KIF13B: variants seen among roughly 807,000 people sequenced by gnomAD.
The protein encoded by KIF13B is kinesin-like protein KIF13B.
In KIF13B, 127 loss-of-function variants were observed where a neutral mutation model predicts 222.0. The observed-to-expected ratio is 0.57, with a 90% CI of 0.50 to 0.66. KIF13B has a LOEUF of 0.66. Among genes scored for constraint, KIF13B ranks in the 30% least tolerant of loss-of-function variants. The probability of loss-of-function intolerance (pLI) is 0.00; values close to 1 mark genes in which losing one functional copy is unlikely to be tolerated. For missense variants in KIF13B, 2,173 were observed against 2,379.0 expected (o/e 0.91, Z 1.80); for synonymous variants, 976 against 919.0 (o/e 1.06, Z -1.12).
chr8:29,171,720 C>T (rs1315267651), intron 10 of KIF13B, among the ~76,000 whole-genome samples: 2 of 148,030 alleles, frequency 1.4e-5, no homozygotes, highest in Admixed American at 6.7e-5. Flanking sequence ...CTGTGAAGTC[C>T]AAATGACGTT....
intron 1 of KIF13B, among the ~76,000 whole-genome samples, chr8:29,250,922 T>C (rs1816253993): frequency 6.6e-6 from 1 of 152,228 alleles, no homozygotes; most frequent in South Asian, 2.1e-4. Context: ...TGAAAACTTC[T>C]TGCTGTATAT....
chr8:29,091,812 A>G (rs1383600182), intron 37 of KIF13B, among the ~76,000 whole-genome samples: 1 of 152,242 alleles, frequency 6.6e-6, no homozygotes. Flanking sequence ...TACAATTTAA[A>G]CAGCTGTAAA....
Position 29,072,126 on chromosome 8 carries a change from T to C in KIF13B, c.4712A>G (p.His1571Arg), listed in dbSNP as rs1356761459. 7.2e-7 allele frequency: 1 copy of C among 1,383,114 alleles called. No individual in the cohort carries two copies. Among genetic ancestry groups the C allele is most frequent in the Non-Finnish European group, 9.4e-7 (1 of 1,066,350 alleles). The allele number at this position is 1,383,114 out of a possible 1,614,324, so 85.7% of individuals were successfully genotyped here. ...LSEASSGYFS[H>R]SVSTATLSDA... is the part of the protein sequence containing the mutation. ...CGACAGGGTCGCGGTGGAGACGCTG[T>C]GGGAGAAGTACCCGCTAGAGGCTTC... The change falls in exon 39 of 40, where the codon CAC becomes CGC. Residue 1571 changes from histidine (H) to arginine (R), a missense_variant. Physicochemically the swap from His to Arg is conservative, Grantham distance 29 (BLOSUM62 0). Transcript: ENST00000524189.
chr8:29,151,863 A>T (rs906808339), intron 14 of KIF13B, among the ~76,000 whole-genome samples: 2 of 131,204 alleles, frequency 1.5e-5, no homozygotes, highest in African/African-American at 5.0e-5. Flanking sequence ...TCATTTAAAA[A>T]ATACATTTCA....
At chr8:29,111,276 A>G (rs1809342770) in intron 32 of KIF13B, among the ~76,000 whole-genome samples, 1 of 152,226 alleles carries the variant, frequency 6.6e-6, no homozygotes, top group South Asian at 2.1e-4. Context: ...GAATACTTTC[A>G]GGGTCTGGAG....
intron 8 of KIF13B, among the ~76,000 whole-genome samples, chr8:29,177,803 G>A (rs1812545299): frequency 6.6e-6 from 1 of 152,010 alleles, no homozygotes; most frequent in African/African-American, 2.4e-5. Context: ...CCAGCTACTT[G>A]GGAAACTGAG....
chr8:29,122,524 G>C, intron 29 of KIF13B, 67 bp downstream of exon 29: 2 of 1,300,974 alleles, frequency 1.5e-6, no homozygotes, highest in Non-Finnish European at 1.1e-6. Flanking sequence ...CACTTGGTTG[G>C]AATCTACATG....
rs181886320 is a variant in KIF13B, at chr8:29,087,558, T to G, written c.4458+5187A>C. Among the ~76,000 whole-genome samples the G allele has an allele frequency of 6.6e-4, 101 of 152,328 alleles. 1 individual carries two copies. Among genetic ancestry groups the G allele is most frequent in the African/African-American group, 2.4e-3 (99 of 41,570 alleles). ...CAAGAGTATCAACAGACAAAAAACC[T>G]GGTGATGTTACCTGACCAACAGCAC... On this transcript the variant is annotated intron_variant, in intron 37 of 39. Coordinates refer to ENST00000524189, the MANE Select transcript of KIF13B (RefSeq NM_015254.4).
At chr8:29,224,263 A>G (rs1262336251) in intron 2 of KIF13B, among the ~76,000 whole-genome samples, 3 of 151,898 alleles carry the variant, frequency 2.0e-5, no homozygotes, top group Admixed American at 6.6e-5. Context: ...TCGGCCTCCC[A>G]AAGTGCTGGA....
At chr8:29,175,306 A>G (rs984220673) in intron 10 of KIF13B, among the ~76,000 whole-genome samples, 2 of 152,136 alleles carry the variant, frequency 1.3e-5, no homozygotes, top group African/African-American at 4.8e-5. Flanking sequence ...CTCTTTTTTC[A>G]CCAGACTCCT....
intron 37 of KIF13B, among the ~76,000 whole-genome samples, chr8:29,091,300 C>T (rs912949645): frequency 6.6e-6 from 1 of 152,170 alleles, no homozygotes; most frequent in African/African-American, 2.4e-5. Flanking sequence ...CTACAGGTAG[C>T]AGGTGATGTG....
intron 34 of KIF13B, among the ~76,000 whole-genome samples, chr8:29,109,100 C>T (rs1035896489): frequency 6.6e-6 from 1 of 152,166 alleles, no homozygotes; most frequent in Non-Finnish European, 1.5e-5. Flanking sequence ...ATAATCTAAG[C>T]CCAGAAAATG....
chr8:29,076,403 C>T (rs1025137685), intron 37 of KIF13B, among the ~76,000 whole-genome samples: 1 of 152,352 alleles, frequency 6.6e-6, no homozygotes, highest in South Asian at 2.1e-4. Context: ...GAGATGTGGA[C>T]TCCACGTCTC....
chr8:29,180,590 T>C (rs548185992), intron 7 of KIF13B, among the ~76,000 whole-genome samples: 1 of 152,350 alleles, frequency 6.6e-6, no homozygotes, highest in East Asian at 1.9e-4. Flanking sequence ...TACAAATTTA[T>C]TGTTAAATTA....
chr8:29,186,862 G>A (rs1812954130), intron 5 of KIF13B, among the ~76,000 whole-genome samples: 1 of 151,464 alleles, frequency 6.6e-6, no homozygotes, highest in Non-Finnish European at 1.5e-5. Context: ...CCAGCTACTC[G>A]GGAGGCTGAG....
intron 2 of KIF13B, among the ~76,000 whole-genome samples, chr8:29,200,930 G>A (rs765852834): frequency 1.3e-5 from 2 of 152,198 alleles, no homozygotes; most frequent in Non-Finnish European, 2.9e-5. Context: ...CATATGAGGT[G>A]CATGTGCCAT....
intron 34 of KIF13B, among the ~76,000 whole-genome samples, chr8:29,108,514 A>T (rs1809204299): frequency 6.6e-6 from 1 of 152,246 alleles, no homozygotes; most frequent in Admixed American, 6.5e-5. Context: ...TTGTTATCTA[A>T]CCATGGCCTG....
intron 18 of KIF13B, among the ~76,000 whole-genome samples, chr8:29,143,223 A>C (rs771061789): frequency 1.3e-5 from 2 of 152,216 alleles, no homozygotes; most frequent in African/African-American, 2.4e-5. Flanking sequence ...AGTTGAAATA[A>C]AAGTATTTTA....
intron 6 of KIF13B, among the ~76,000 whole-genome samples, chr8:29,184,408 C>T (rs921264393): frequency 1.3e-5 from 2 of 152,060 alleles, no homozygotes; most frequent in East Asian, 3.8e-4. Flanking sequence ...AGCAAATGTT[C>T]TAAGACCTCA....
Sources: allele counts gnomAD v4.1 joint callset (sites outside exome capture counted in the v4.1 genomes callset), GRCh38; gene constraint gnomAD v4.1.1; transcripts MANE v1.5; gene names NCBI Gene and HGNC (gene_info 2026-07-23, HGNC 2026-07-21).